XRCC2: variants seen among roughly 807,000 people sequenced by gnomAD.
XRCC2 encodes the protein DNA repair protein XRCC2.
XRCC2 carries 24 observed loss-of-function variants against 27.3 expected under a neutral mutation model. That is an observed-to-expected ratio of 0.88 (90% CI 0.64 to 1.24). XRCC2 has a LOEUF of 1.24. XRCC2 is among the 50% of genes most tolerant of loss of function. XRCC2 has a pLI of 0.00. For missense variants in XRCC2, 321 were observed against 325.8 expected, an observed-to-expected ratio of 0.99 and a Z score of 0.11; for synonymous variants, 106 against 115.4, an observed-to-expected ratio of 0.92 and a Z score of 0.52.
chr7:152,659,865 C>T (rs908909822), intron 2 of XRCC2, among the ~76,000 whole-genome samples: 6 of 152,146 alleles, frequency 3.9e-5, no homozygotes, highest in Non-Finnish European at 7.3e-5. Context: ...CAGCATTATG[C>T]ACAACAGCCA....
chr7:152,663,878 G>C (rs1355154065), intron 1 of XRCC2: 1 of 149,724 alleles, frequency 6.7e-6, no homozygotes, highest in Non-Finnish European at 1.5e-5. Flanking sequence ...GTTTACAAGA[G>C]AACTTTGAGC....
intron 1 of XRCC2, among the ~76,000 whole-genome samples, chr7:152,674,042 A>C (rs560767410): frequency 1.4e-3 from 212 of 152,138 alleles, no homozygotes; most frequent in African/African-American, 4.7e-3. Flanking sequence ...TTCCCAAGAC[A>C]CTTAAAGGGA....
chr7:152,670,989 C>T (rs1329586018), intron 1 of XRCC2, among the ~76,000 whole-genome samples: 1 of 152,120 alleles, frequency 6.6e-6, no homozygotes, highest in Non-Finnish European at 1.5e-5. Flanking sequence ...CCAAGGCGGG[C>T]AGATCACCTG....
At chr7:152,656,442 C>T (rs1193258869) in intron 2 of XRCC2, among the ~76,000 whole-genome samples, 1 of 152,156 alleles carries the variant, frequency 6.6e-6, no homozygotes, top group Non-Finnish European at 1.5e-5. Flanking sequence ...ACCCCTAAAT[C>T]TTACTACTTC....
At chr7:152,659,171 T>TGGA (rs1193692374) in intron 2 of XRCC2, among the ~76,000 whole-genome samples, 2 of 152,066 alleles carry the variant, frequency 1.3e-5, no homozygotes, top group African/African-American at 4.8e-5. Flanking sequence ...GCCTTCCTAA[T>TGGA]GGATGTGAGG....
intron 1 of XRCC2, among the ~76,000 whole-genome samples, chr7:152,671,543 C>CT (rs979040553): frequency 6.6e-6 from 1 of 152,234 alleles, no homozygotes; most frequent in East Asian, 1.9e-4. Flanking sequence ...TACCTATACT[C>CT]TTTATTATAT....
chr7:152,654,969 T>A (rs1029769867), intron 2 of XRCC2, among the ~76,000 whole-genome samples: 4 of 152,184 alleles, frequency 2.6e-5, no homozygotes, highest in African/African-American at 9.7e-5. Flanking sequence ...TCAAAACCTG[T>A]AATCAAATAT....
chr7:152,664,170 G>C (rs2098034609), intron 1 of XRCC2, among the ~76,000 whole-genome samples: 1 of 152,172 alleles, frequency 6.6e-6, no homozygotes, highest in Non-Finnish European at 1.5e-5. Context: ...GTCCTATTGT[G>C]TCTCTTCCCT....
intron 1 of XRCC2, among the ~76,000 whole-genome samples, chr7:152,674,703 AT>A (rs373320734): frequency 2.1e-5 from 2 of 97,362 alleles, no homozygotes; most frequent in African/African-American, 1.3e-4. Flanking sequence ...TTAAATATAT[AT>A]TTATATAATA....
intron 1 of XRCC2, among the ~76,000 whole-genome samples, chr7:152,662,645 T>G (rs926773879): frequency 3.8e-5 from 5 of 131,190 alleles, no homozygotes; most frequent in Non-Finnish European, 6.2e-5. Context: ...GGATCTCGGC[T>G]CACTGCAAGC....
rs1369313398 is a variant in XRCC2, at chr7:152,646,249, CCTAATGT to C, written c.*2386_*2392del. 1 of 151,182 alleles carries C rather than the reference CCTAATGT, an allele frequency of 6.6e-6. No individual in the cohort carries two copies. The highest frequency in any genetic ancestry group is 1.5e-5 in the Non-Finnish European group (1 of 67,992). 9.4% of individuals were successfully genotyped at this position (151,182 alleles called of 1,614,324 possible). A position where few individuals can be genotyped will look rare whatever the true frequency, so the allele number is the denominator to read the frequency against. On this transcript the variant is annotated 3_prime_UTR_variant, in exon 3 of 3. Coordinates refer to ENST00000359321, the MANE Select transcript of XRCC2 (RefSeq NM_005431.2). ...ACCTTAGCACACTAATTCTTCTGCT[CCTAATGT>C]CAAATTATATGCTTTTCTTGCCACG...
At chr7:152,675,941 C>T (rs2098040871) in intron 1 of XRCC2, 100 bp downstream of exon 1, 1 of 1,531,730 alleles carries the variant, frequency 6.5e-7, no homozygotes, top group Non-Finnish European at 9.0e-7. Context: ...GGCCAGGCCG[C>T]GCCGCCCCAA....
At position 152,676,128 on chromosome 7, in the gene XRCC2, G is replaced by A. The variant is rs780474486; in HGVS notation, c.-49C>T. 7 of 1,612,402 alleles carry A rather than the reference G, an allele frequency of 4.3e-6. No homozygotes were observed. The East Asian group carries it at 1.1e-4, about 26-fold the overall frequency. ...GAGACTCAACTTTCCCGCCACCAAC[G>A]CCATTCACCAACTGCGCAGACTCTA... On this transcript the variant is annotated 5_prime_UTR_variant, in exon 1 of 3. Transcript: ENST00000359321.
chr7:152,654,233 TAA>T, intron 2 of XRCC2, among the ~76,000 whole-genome samples: 1 of 141,176 alleles, frequency 7.1e-6, no homozygotes, highest in South Asian at 2.3e-4. Context: ...AGATGGTAGG[TAA>T]TAAGGGGCTG....
intron 2 of XRCC2, among the ~76,000 whole-genome samples, chr7:152,659,192 G>C (rs1424448761): frequency 6.6e-6 from 1 of 151,704 alleles, no homozygotes; most frequent in African/African-American, 2.4e-5. Flanking sequence ...TGACAAAGAA[G>C]AACATTTTAT....
rs562725776 is a variant in XRCC2 at position 152,651,941 on chromosome 7, G to A, written c.122-2578C>T. On this transcript the variant is annotated intron_variant, in intron 2 of 2. Coordinates refer to ENST00000359321, the MANE Select transcript of XRCC2 (RefSeq NM_005431.2). ...CAGCACTTTGGAAGCTGAAGTGGGA[G>A]GATCACTTGAGCCCAGGAGTTCATG... 1.8e-4 allele frequency among the ~76,000 whole-genome samples: 28 copies of A among 151,824 alleles called. No homozygotes were observed. In the South Asian group the frequency reaches 5.4e-3, roughly 29 times the overall value.
chr7:152,672,922 G>A (rs186151187), intron 1 of XRCC2, among the ~76,000 whole-genome samples: 67 of 152,208 alleles, frequency 4.4e-4, no homozygotes, highest in South Asian at 1.5e-3. Flanking sequence ...AAAATGCAAA[G>A]TACACCATTA....
chr7:152,674,787 T>TTTATATATA (rs2098040154), intron 1 of XRCC2, among the ~76,000 whole-genome samples: 1 of 143,090 alleles, frequency 7.0e-6, no homozygotes, highest in East Asian at 2.0e-4. Context: ...TTTAAATATA[T>TTTATATATA]ATATATCTAT....
chr7:152,657,180 G>A (rs2098031034), intron 2 of XRCC2, among the ~76,000 whole-genome samples: 1 of 135,220 alleles, frequency 7.4e-6, no homozygotes, highest in Admixed American at 7.3e-5. Context: ...AGGTTGCAGT[G>A]AGCCGAGATC....
Sources: allele counts gnomAD v4.1 joint callset (sites outside exome capture counted in the v4.1 genomes callset), GRCh38; gene constraint gnomAD v4.1.1; transcripts MANE v1.5; gene names NCBI Gene and HGNC (gene_info 2026-07-23, HGNC 2026-07-21).